Variants in IL1RL2 observed in about 807,000 individuals in gnomAD.
IL1RL2 encodes interleukin 1 receptor like 2, also known as interleukin-1 receptor-like 2.
Under a neutral mutation model 66.8 loss-of-function variants are expected in IL1RL2, and 68 were observed. That is an observed-to-expected ratio of 1.02 (90% confidence interval 0.84 to 1.25). The LOEUF (loss-of-function observed/expected upper bound fraction) is 1.25, where lower values mean the gene tolerates loss of function less well. IL1RL2 is among the 50% of genes most tolerant of loss of function. The probability of loss-of-function intolerance (pLI) is 0.00; values close to 1 mark genes in which losing one functional copy is unlikely to be tolerated. For synonymous variants in IL1RL2, 305 were observed against 264.6 expected, an observed-to-expected ratio of 1.15 and a Z score of -1.48; for missense variants, 729 against 709.3, an observed-to-expected ratio of 1.03 and a Z score of -0.32.
intron 4 of IL1RL2, among the ~76,000 whole-genome samples, chr2:102,200,372 TG>T: frequency 6.6e-6 from 1 of 152,220 alleles, no homozygotes; most frequent in East Asian, 1.9e-4. Flanking sequence ...TGCATCCTGC[TG>T]GGCGGCTCTA....
chr2:102,242,495 A>G (rs891909913), downstream of IL1RL2, among the ~76,000 whole-genome samples: 1 of 152,198 alleles, frequency 6.6e-6, no homozygotes, highest in African/African-American at 2.4e-5. Context: ...GGAGTCCAAC[A>G]CCCTGAGAAC....
intron 5 of IL1RL2, among the ~76,000 whole-genome samples, chr2:102,210,102 G>A (rs1361020353): frequency 6.6e-6 from 1 of 152,154 alleles, no homozygotes; most frequent in African/African-American, 2.4e-5. Context: ...GAAAGCAGTG[G>A]CTCAGGGAAA....
chr2:102,219,486 T>C (rs1689907186), intron 7 of IL1RL2, among the ~76,000 whole-genome samples: 1 of 152,160 alleles, frequency 6.6e-6, no homozygotes, highest in African/African-American at 2.4e-5. Context: ...TGCATAATCA[T>C]TAGCTAATTG....
chr2:102,192,374 TTTTC>T (rs1418575313), intron 4 of IL1RL2, among the ~76,000 whole-genome samples: 1 of 152,208 alleles, frequency 6.6e-6, no homozygotes, highest in Non-Finnish European at 1.5e-5. Context: ...TTTTTCAGGC[TTTTC>T]TTTATTTTTC....
At chr2:102,233,185 C>T (rs1199662283) in intron 10 of IL1RL2, 61 bp downstream of exon 10, 1 of 1,483,734 alleles carries the variant, frequency 6.7e-7, no homozygotes, top group East Asian at 2.3e-5. Context: ...CCCTCTGTTC[C>T]TCCACTTTAC....
Position 102,187,875 on chromosome 2 carries a change from C to T in IL1RL2, c.8C>T (p.Ser3Phe). Residue 3 changes from serine to phenylalanine, a missense_variant, in exon 2 of 12, where the codon TCC (serine) becomes TTC (phenylalanine). Ser to Phe is a radical substitution (Grantham distance 155, BLOSUM62 -2). Transcript: ENST00000264257. ...TTGCAGCCCGGTTTGGGGATGTGGT[C>T]CTTGCTGCTCTGCGGGTTGTCCATC... MW[S>F]LLLCGLSIAL... The T allele has an allele frequency of 6.2e-7, 1 of 1,608,002 alleles. No homozygotes were observed. Among genetic ancestry groups the T allele is most frequent in the Non-Finnish European group, 8.5e-7 (1 of 1,177,524 alleles).
intron 11 of IL1RL2, among the ~76,000 whole-genome samples, chr2:102,237,103 C>G (rs937083091): frequency 6.6e-6 from 1 of 152,150 alleles, no homozygotes; most frequent in Non-Finnish European, 1.5e-5. Context: ...AATTCACAGG[C>G]ACACCCTTCA....
At position 102,235,346 on chromosome 2, in the gene IL1RL2, C is replaced by G. The variant is rs541973923; in HGVS notation, c.1678+69C>G. The G allele has an allele frequency of 3.9e-6, 6 of 1,555,454 alleles. No individual in the cohort carries two copies. In the African/African-American group the frequency reaches 6.8e-5, roughly 18 times the overall value. ...GGGTCTATCATTGCGTGGTGGCTCACAGCTGGAGGAGGACACGTTTCATCG... is the reference window on the plus strand; with the variant it reads ...GGGTCTATCATTGCGTGGTGGCTCAGAGCTGGAGGAGGACACGTTTCATCG... On this transcript the variant is annotated intron_variant, in intron 11 of 11. Transcript: ENST00000264257.
intron 10 of IL1RL2, among the ~76,000 whole-genome samples, chr2:102,234,013 T>A (rs191166438): frequency 6.6e-6 from 1 of 152,186 alleles, no homozygotes; most frequent in Non-Finnish European, 1.5e-5. Context: ...TCCAGTCTAT[T>A]CTTATTTCCC....
At chr2:102,241,264 A>C (rs962857893), downstream of IL1RL2, among the ~76,000 whole-genome samples, 16 of 152,206 alleles carry the variant, frequency 1.1e-4, no homozygotes, top group African/African-American at 3.9e-4. Flanking sequence ...AGTCTGTCCA[A>C]GGGTGGTGAG....
chr2:102,223,721 T>C (rs1424420019), intron 8 of IL1RL2, among the ~76,000 whole-genome samples: 1 of 152,200 alleles, frequency 6.6e-6, no homozygotes, highest in Non-Finnish European at 1.5e-5. Context: ...GGGCATGGTC[T>C]TCTTATCAGG....
intron 2 of IL1RL2, among the ~76,000 whole-genome samples, chr2:102,188,311 G>A (rs1198029445): frequency 6.6e-6 from 1 of 152,162 alleles, no homozygotes; most frequent in Admixed American, 6.5e-5. Context: ...ATGGCCGGGC[G>A]CAGTGGCTCA....
chr2:102,223,505 T>C (rs1247825551), intron 8 of IL1RL2, among the ~76,000 whole-genome samples: 1 of 152,338 alleles, frequency 6.6e-6, no homozygotes, highest in East Asian at 1.9e-4. Flanking sequence ...ACATCAACAG[T>C]GGGCTCCCCA....
intron 5 of IL1RL2, among the ~76,000 whole-genome samples, chr2:102,207,420 T>C (rs1207958033): frequency 6.6e-6 from 1 of 152,184 alleles, no homozygotes; most frequent in East Asian, 1.9e-4. Context: ...TTGCTACTGA[T>C]TATTCATGGC....
At chr2:102,200,116 G>GAAAAAA (rs1559534394) in intron 4 of IL1RL2, among the ~76,000 whole-genome samples, 1 of 52,890 alleles carries the variant, frequency 1.9e-5, no homozygotes. Flanking sequence ...CCCTGTTCCA[G>GAAAAAA]CAAAAAAAAA....
chr2:102,205,729 C>T (rs2104776777), intron 5 of IL1RL2, among the ~76,000 whole-genome samples: 1 of 152,252 alleles, frequency 6.6e-6, no homozygotes, highest in Middle Eastern at 3.4e-3. Flanking sequence ...TGGATTAAAT[C>T]TGCTGGGTGT....
intron 6 of IL1RL2, among the ~76,000 whole-genome samples, chr2:102,213,968 C>A (rs1467492062): frequency 6.6e-6 from 1 of 152,078 alleles, no homozygotes; most frequent in Non-Finnish European, 1.5e-5. Context: ...TTATATAAAA[C>A]AACAAATGGT....
At chr2:102,209,376 G>A (rs1004725764) in intron 5 of IL1RL2, among the ~76,000 whole-genome samples, 1 of 152,182 alleles carries the variant, frequency 6.6e-6, no homozygotes, top group Non-Finnish European at 1.5e-5. Context: ...CACGCAAATG[G>A]TCTGGGAAGG....
rs72998581 is a variant in IL1RL2, at chr2:102,235,236, C to A, written c.1637C>A (p.Pro546Gln). The change falls in exon 11 of 12, where the codon CCG (proline) becomes CAG (glutamine). Residue 546 changes from proline (P) to glutamine (Q), a missense_variant. Physicochemically the swap from Pro to Gln is moderately conservative, Grantham distance 76. Coordinates refer to ENST00000264257, the MANE Select transcript of IL1RL2 (RefSeq NM_003854.4). ...CCCAGAAGGTGTCGGCCGTTTCCTC[C>A]GGTCCAGCTGCTGCAGCACACACCT... ...MPPRRCRPFP[P>Q]VQLLQHTPCY... 6.2e-7 allele frequency: 1 copy of A among 1,614,058 alleles called. No individual in the cohort carries two copies. Among genetic ancestry groups the A allele is most frequent in the African/African-American group, 1.3e-5 (1 of 75,060 alleles).
Sources: allele counts gnomAD v4.1 joint callset (sites outside exome capture counted in the v4.1 genomes callset), GRCh38; gene constraint gnomAD v4.1.1; transcripts MANE v1.5; gene names NCBI Gene and HGNC (gene_info 2026-07-23, HGNC 2026-07-21).